Variants in LAMB1 observed in about 807,000 individuals in gnomAD.
The protein encoded by LAMB1 is laminin subunit beta-1.
In LAMB1, 121 loss-of-function variants were observed where a neutral mutation model predicts 222.3. That is an observed-to-expected ratio of 0.54 (90% confidence interval 0.47 to 0.63). The LOEUF is 0.63. Ranked by LOEUF, LAMB1 falls within the 30% of genes least tolerant of loss-of-function variation. LAMB1 has a pLI of 0.00. For synonymous variants in LAMB1, 794 were observed against 807.2 expected, an observed-to-expected ratio of 0.98 and a Z score of 0.28; for missense variants, 2,172 against 2,240.8, an observed-to-expected ratio of 0.97 and a Z score of 0.62.
In LAMB1 at chr7:107,960,546, C is replaced by T. The variant is rs376880893; in HGVS notation, c.2213G>A (p.Arg738Gln). Residue 738 changes from arginine (R) to glutamine (Q), a missense_variant, in exon 18 of 34, where the codon CGA becomes CAA. By Grantham distance (43) the Arg-to-Gln change is conservative. Coordinates refer to ENST00000222399, the MANE Select transcript of LAMB1 (RefSeq NM_002291.3). ...NSAWETFQRY[R>Q]CLENSRSVVK... ...AACGCTTCTGCTGTTCTCTAGACAT[C>T]GGTATCTCTGAAAGGTTTCCCAGGC... The T allele has an allele frequency of 1.9e-5, 31 of 1,613,962 alleles. No individual in the cohort carries two copies. In the East Asian group the frequency reaches 3.1e-4, roughly 16 times the overall value.
intron 5 of LAMB1, among the ~76,000 whole-genome samples, chr7:107,989,982 T>C (rs1328704811): frequency 6.6e-6 from 1 of 152,152 alleles, no homozygotes; most frequent in African/African-American, 2.4e-5. Flanking sequence ...TGCTGCACAG[T>C]TGCCTCCAAA....
chr7:107,978,481 T>C (rs955021843), intron 8 of LAMB1, among the ~76,000 whole-genome samples: 1 of 151,562 alleles, frequency 6.6e-6, no homozygotes, highest in Non-Finnish European at 1.5e-5. Flanking sequence ...AACTAGTTAC[T>C]TAAGATTTTT....
rs961632630 is a variant in LAMB1 at position 107,931,330 on chromosome 7, A to C, written c.4537+26T>G. The C allele has an allele frequency of 8.1e-6, 13 of 1,599,364 alleles. No homozygotes were observed. In the Admixed American group the frequency reaches 1.7e-4, roughly 21 times the overall value. On this transcript the variant is annotated intron_variant, in intron 29 of 33. Coordinates refer to ENST00000222399, the MANE Select transcript of LAMB1 (RefSeq NM_002291.3). ...GAGAATCACACAGAAACAAATGTCTAAAAGTAAAATGAAAAAATTTCTTAC... is the reference window on the plus strand; with the variant it reads ...GAGAATCACACAGAAACAAATGTCTCAAAGTAAAATGAAAAAATTTCTTAC...
rs778475293 is a variant in LAMB1, at chr7:107,986,332, C to T, written c.455G>A (p.Arg152Gln). 6.2e-7 allele frequency: 1 copy of T among 1,607,462 alleles called. No individual in the cohort carries two copies. The highest frequency in any genetic ancestry group is 8.5e-7 in the Non-Finnish European group (1 of 1,174,906). The change falls in exon 6 of 34, where the codon CGA becomes CAA. Residue 152 changes from arginine (R) to glutamine (Q), a missense_variant. By Grantham distance (43) the Arg-to-Gln change is conservative. Coordinates refer to ENST00000222399, the MANE Select transcript of LAMB1 (RefSeq NM_002291.3). ...CCAGGTTTTCCCAAAGTCGGACGAT[C>T]GTTCTATCAGCATAGCAGCTGGACG... is the stretch of plus-strand genomic sequence containing the variant. ...TFRPAAMLIE[R>Q]SSDFGKTWGV...
At chr7:108,001,768 ACAAG>A (rs949456312) in intron 2 of LAMB1, 35 bp from the exon 3 acceptor site, 7 of 1,608,076 alleles carry the variant, frequency 4.4e-6, no homozygotes, top group Non-Finnish European at 5.1e-6. Context: ...TTGGGGGGAC[ACAAG>A]CAGGGAGTGG....
In LAMB1 at chr7:108,001,666, G is replaced by A; in HGVS notation, c.105C>T (p.Cys35=). 1 of 1,612,578 alleles carries A rather than the reference G, an allele frequency of 6.2e-7. No homozygotes were observed. Among genetic ancestry groups the A allele is most frequent in the East Asian group, 2.2e-5 (1 of 44,850 alleles). ...EFSYGCAEGS[C]YPATGDLLIG... ...TGAGAAGGTCGCCCGTGGCGGGATA[G>A]CAGCTGCCTTCTGCGCAGCCGTAGC... Residue 35 remains cysteine, a synonymous_variant, in exon 3 of 34, where the codon TGC becomes TGT. Transcript: ENST00000222399.
intron 5 of LAMB1, among the ~76,000 whole-genome samples, chr7:107,989,057 T>C (rs1435048020): frequency 6.6e-6 from 1 of 152,112 alleles, no homozygotes; most frequent in Non-Finnish European, 1.5e-5. Flanking sequence ...TCCATTCCTA[T>C]CTTTCTCCCT....
chr7:107,961,079 G>A (rs986348165), intron 17 of LAMB1, 127 bp downstream of exon 17: 4 of 1,020,118 alleles, frequency 3.9e-6, no homozygotes, highest in South Asian at 1.6e-5. Context: ...AAGTAACCGT[G>A]GAGGCAAGAA....
intron 13 of LAMB1, among the ~76,000 whole-genome samples, chr7:107,971,243 G>A (rs1446021942): frequency 6.6e-6 from 1 of 152,152 alleles, no homozygotes; most frequent in African/African-American, 2.4e-5. Context: ...CCTCTCTAAG[G>A]AGTACATATC....
chr7:107,968,594 G>C (rs78379644), intron 13 of LAMB1, among the ~76,000 whole-genome samples: 13,434 of 152,238 alleles, frequency 0.088, 658 homozygotes, highest in Admixed American at 0.15. Context: ...AGGTCAGAGA[G>C]CTGTGACATA....
chr7:107,962,220 T>C (rs1286599186), intron 15 of LAMB1, among the ~76,000 whole-genome samples: 5 of 152,192 alleles, frequency 3.3e-5, no homozygotes, highest in East Asian at 1.9e-4. Flanking sequence ...TGCATGCCCA[T>C]CTTCTAGGAT....
Position 107,959,475 on chromosome 7 carries a change from C to T in LAMB1, c.2464G>A (p.Glu822Lys), listed in dbSNP as rs1277089264. 1.2e-6 allele frequency: 2 copies of T among 1,613,910 alleles called. No homozygotes were observed. The highest frequency in any genetic ancestry group is 1.7e-6 in the Non-Finnish European group (2 of 1,179,978). Residue 822 changes from glutamate to lysine, a missense_variant, in exon 20 of 34, where the codon GAG (glutamate) becomes AAG (lysine). Coordinates refer to ENST00000222399, the MANE Select transcript of LAMB1 (RefSeq NM_002291.3). ...TTGACAGATCCTTGCAGATGGCACTCACAAGCTAAAGAAACAGGCAAACAA... is the reference window on the plus strand; with the variant it reads ...TTGACAGATCCTTGCAGATGGCACTTACAAGCTAAAGAAACAGGCAAACAA... ...GFGPSGCKPC[E>K]CHLQGSVNAF... is the part of the protein sequence containing the mutation.
At chr7:107,931,707 A>G in intron 28 of LAMB1, 1 of 563,488 alleles carries the variant, frequency 1.8e-6, no homozygotes. Context: ...ATTCTGATAT[A>G]AATAGAACTA....
chr7:107,924,011 T>C lies in LAMB1; in HGVS notation c.5301A>G (p.Glu1767=), dbSNP rs777824210. 15 of 1,601,008 alleles carry C rather than the reference T, an allele frequency of 9.4e-6. No homozygotes were observed. Among genetic ancestry groups the C allele is most frequent in the Non-Finnish European group, 1.2e-5 (14 of 1,176,984 alleles). The change falls in exon 34 of 34, where the codon GAA becomes GAG. Residue 1767 remains glutamate (E), a synonymous_variant. Transcript: ENST00000222399. ...TTATATCCTTTAGGAGTGAACGGACTTCTCCTTCCAGTCTTGCTAATTCTT... is the reference window on the plus strand; with the variant it reads ...TTATATCCTTTAGGAGTGAACGGACCTCTCCTTCCAGTCTTGCTAATTCTT... ...KAQELARLEG[E]VRSLLKDISQ...
At chr7:107,968,249 G>A (rs1175493824) in intron 13 of LAMB1, among the ~76,000 whole-genome samples, 5 of 152,146 alleles carry the variant, frequency 3.3e-5, no homozygotes, top group African/African-American at 1.2e-4. Context: ...CTGTGTTCAA[G>A]TAAAAATCAA....
intron 27 of LAMB1, chr7:107,932,731 T>A (rs1562974990): frequency 1.5e-5 from 4 of 259,946 alleles, no homozygotes; most frequent in Admixed American, 9.7e-5. Flanking sequence ...AGTTAGAGTT[T>A]AAAAAAAAAA....
intron 4 of LAMB1, among the ~76,000 whole-genome samples, chr7:107,995,940 A>G (rs1304246593): frequency 6.6e-6 from 1 of 151,144 alleles, no homozygotes; most frequent in Non-Finnish European, 1.5e-5. Flanking sequence ...TGCCAAGTCA[A>G]TTGAGGGGGC....
chr7:107,949,401 CAG>C (rs2116386764), intron 24 of LAMB1, among the ~76,000 whole-genome samples: 1 of 152,254 alleles, frequency 6.6e-6, no homozygotes, highest in Non-Finnish European at 1.5e-5. Flanking sequence ...CTGACAGAAT[CAG>C]GGTATGTGCA....
At chr7:107,964,402 C>T (rs1562992890) in intron 14 of LAMB1, 150 bp downstream of exon 14, 1 of 904,600 alleles carries the variant, frequency 1.1e-6, no homozygotes, top group South Asian at 1.7e-5. Flanking sequence ...AAATATGACT[C>T]TTCTCAGGAA....
Sources: gnomAD v4.1 joint callset for allele counts (sites outside exome capture counted in the v4.1 genomes callset) on GRCh38, gnomAD v4.1.1 for gene constraint, MANE v1.5 for transcripts, NCBI Gene and HGNC (gene_info 2026-07-23, HGNC 2026-07-21) for gene names.